The following CDH12 variants were observed in gnomAD, a reference collection of about 807,000 sequenced individuals.
CDH12 encodes the protein cadherin-12.
A neutral mutation model predicts 74.1 loss-of-function variants in CDH12; 41 were observed. The ratio of observed to expected loss-of-function variants is 0.55; its 90% CI spans 0.43 to 0.72. CDH12 has a LOEUF of 0.72. CDH12 is among the 30% of genes least tolerant of loss of function. CDH12 has a pLI of 0.00. For synonymous variants in CDH12, 399 were observed against 355.0 expected (o/e 1.12, Z -1.39); for missense variants, 945 against 977.2 (o/e 0.97, Z 0.44).
intron 6 of CDH12, among the ~76,000 whole-genome samples, chr5:21,895,269 G>C (rs1753071582): frequency 6.6e-6 from 1 of 152,164 alleles, no homozygotes; most frequent in South Asian, 2.1e-4. Flanking sequence ...CCCATGTTTA[G>C]AGGTATTATT....
chr5:22,251,357 G>T (rs939069083), intron 3 of CDH12, among the ~76,000 whole-genome samples: 3 of 152,124 alleles, frequency 2.0e-5, no homozygotes, highest in Non-Finnish European at 4.4e-5. Context: ...GGCATGTTTT[G>T]TTGAAGTAGA....
chr5:22,767,981 C>A (rs1468966569), intron 1 of CDH12, among the ~76,000 whole-genome samples: 1 of 151,800 alleles, frequency 6.6e-6, no homozygotes, highest in African/African-American at 2.4e-5. Flanking sequence ...TGATCATATA[C>A]AACTCAATGT....
chr5:22,263,857 G>A (rs1349025864), intron 3 of CDH12, among the ~76,000 whole-genome samples: 1 of 151,940 alleles, frequency 6.6e-6, no homozygotes, highest in Non-Finnish European at 1.5e-5. Context: ...TTGGCAAAAG[G>A]TGTCATGATT....
intron 2 of CDH12, 25 bp from the exon 3 acceptor site, chr5:22,405,376 T>C (rs966940215): frequency 2.5e-5 from 16 of 649,840 alleles, no homozygotes; most frequent in East Asian, 1.4e-4. Context: ...AAGAAAATGC[T>C]TTAAGAATAT....
chr5:21,786,296 GGT>G lies in CDH12; in HGVS notation c.1257-2804_1257-2803del, dbSNP rs1342711063. Reference sequence around the variant, plus strand: ...AGCCTCCTCAGTAGCTGGGATTACAGGTGCATGCCACTACGCCTGGCTAATTT... The same window carrying G: ...AGCCTCCTCAGTAGCTGGGATTACAGGCATGCCACTACGCCTGGCTAATTT... On this transcript the variant is annotated intron_variant, in intron 10 of 14. Coordinates refer to ENST00000382254, the MANE Select transcript of CDH12 (RefSeq NM_004061.5). Among the ~76,000 whole-genome samples the G allele has an allele frequency of 3.3e-5, 5 of 152,218 alleles. No homozygotes were observed. The East Asian group carries it at 9.7e-4, about 29-fold the overall frequency.
intron 3 of CDH12, among the ~76,000 whole-genome samples, chr5:22,319,815 G>A (rs570656681): frequency 1.2e-4 from 18 of 151,984 alleles, no homozygotes; most frequent in Non-Finnish European, 1.6e-4. Flanking sequence ...GGAAGAGGGA[G>A]GGGGAGTGAG....
chr5:22,653,681 T>C (rs1739859462), intron 1 of CDH12, among the ~76,000 whole-genome samples: 1 of 152,156 alleles, frequency 6.6e-6, no homozygotes, highest in Non-Finnish European at 1.5e-5. Context: ...AGAATTACTG[T>C]TTAAAAATGC....
At chr5:22,684,085 A>G (rs959163435) in intron 1 of CDH12, among the ~76,000 whole-genome samples, 1 of 152,218 alleles carries the variant, frequency 6.6e-6, no homozygotes, top group African/African-American at 2.4e-5. Flanking sequence ...CCCATGATCC[A>G]GAGATCTTTA....
intron 3 of CDH12, among the ~76,000 whole-genome samples, chr5:22,270,865 A>C (rs1440578621): frequency 6.6e-6 from 1 of 151,800 alleles, no homozygotes; most frequent in South Asian, 2.1e-4. Context: ...TAGTACAGAT[A>C]GGGTTTCACC....
chr5:21,868,036 A>G (rs1371770765), intron 6 of CDH12, among the ~76,000 whole-genome samples: 1 of 152,072 alleles, frequency 6.6e-6, no homozygotes, highest in African/African-American at 2.4e-5. Flanking sequence ...TTATAAGGGG[A>G]AACCCCTTTC....
At chr5:22,058,726 A>G (rs1035563680) in intron 5 of CDH12, among the ~76,000 whole-genome samples, 4 of 146,700 alleles carry the variant, frequency 2.7e-5, no homozygotes, top group African/African-American at 7.6e-5. Flanking sequence ...AGAAAGAAAG[A>G]GAAAGAAAGA....
chr5:21,792,805 C>T lies in CDH12; in HGVS notation c.1257-9311G>A, dbSNP rs78081659. ...TACACCTGTCCTTTAGTTTACTCTG[C>T]GGACACCTTGAAGCAGCTTGCTCTA... On this transcript the variant is annotated intron_variant, in intron 10 of 14. Coordinates refer to ENST00000382254, the MANE Select transcript of CDH12 (RefSeq NM_004061.5). Among the ~76,000 whole-genome samples the T allele has an allele frequency of 4.5e-3, 677 of 151,686 alleles. 20 individuals carry two copies. In the East Asian group the frequency reaches 0.066, roughly 15 times the overall value.
At position 21,755,627 on chromosome 5, in the gene CDH12, A is replaced by G. The variant is rs868091991; in HGVS notation, c.1849T>C (p.Leu617=). 1 of 1,614,020 alleles carries G rather than the reference A, an allele frequency of 6.2e-7. No homozygotes were observed. Residue 617 remains leucine, a synonymous_variant, in exon 14 of 15, where the codon TTG becomes CTG. Coordinates refer to ENST00000382254, the MANE Select transcript of CDH12 (RefSeq NM_004061.5). ...ACAATGCATAGTAGAATTGCAATCA[A>G]CGCCCCAGTGCTAAGTCCTACAGGT... ...FLPVGLSTGA[L]IAILLCIVIL... is the part of the protein sequence containing the mutation.
intron 6 of CDH12, among the ~76,000 whole-genome samples, chr5:21,866,742 C>T (rs1359225377): frequency 6.6e-6 from 1 of 152,118 alleles, no homozygotes; most frequent in South Asian, 2.1e-4. Context: ...GAGATTCAAG[C>T]TGGCTGCAGA....
chr5:22,489,098 C>T, intron 2 of CDH12, among the ~76,000 whole-genome samples: 1 of 22,936 alleles, frequency 4.4e-5, no homozygotes, highest in African/African-American at 1.7e-4. Context: ...CGCTCTGTTG[C>T]CCAGGCTGGA....
intron 4 of CDH12, among the ~76,000 whole-genome samples, chr5:22,153,127 C>G (rs1304667303): frequency 6.6e-6 from 1 of 151,344 alleles, no homozygotes; most frequent in African/African-American, 2.4e-5. Context: ...TATATATACC[C>G]AGAAGAGAAA....
intron 2 of CDH12, among the ~76,000 whole-genome samples, chr5:22,449,451 T>C (rs1468560754): frequency 6.6e-6 from 1 of 151,962 alleles, no homozygotes; most frequent in East Asian, 1.9e-4. Flanking sequence ...AGAGTGGGAG[T>C]GCCATATCCA....
chr5:22,653,731 T>A (rs1472198920), intron 1 of CDH12, among the ~76,000 whole-genome samples: 3 of 152,176 alleles, frequency 2.0e-5, no homozygotes, highest in South Asian at 2.1e-4. Context: ...AATCCTCCAA[T>A]AGCTTCCCAT....
At chr5:21,836,615 A>G (rs913595138) in intron 8 of CDH12, among the ~76,000 whole-genome samples, 4 of 151,808 alleles carry the variant, frequency 2.6e-5, no homozygotes, top group Non-Finnish European at 5.9e-5. Context: ...AGAAAAAGCG[A>G]CCAACTGGGA....
Sources: gnomAD v4.1 joint callset for allele counts (sites outside exome capture counted in the v4.1 genomes callset) on GRCh38, gnomAD v4.1.1 for gene constraint, MANE v1.5 for transcripts, NCBI Gene and HGNC (gene_info 2026-07-23, HGNC 2026-07-21) for gene names.